Variants in ALMS1 observed in about 807,000 individuals in gnomAD.
ALMS1 encodes centrosome-associated protein ALMS1.
ALMS1 carries 271 observed loss-of-function variants against 352.2 expected under a neutral mutation model. The ratio of observed to expected loss-of-function variants is 0.77; its 90% CI spans 0.70 to 0.85. ALMS1 has a LOEUF of 0.85. Ranked by LOEUF, ALMS1 falls within the 40% of genes least tolerant of loss-of-function variation. ALMS1 has a pLI of 0.00. For missense variants in ALMS1, 5,445 were observed against 4,870.7 expected, an observed-to-expected ratio of 1.12 and a Z score of -3.51; for synonymous variants, 1,865 against 1,761.2, an observed-to-expected ratio of 1.06 and a Z score of -1.48.
At chr2:73,459,481 A>T (rs1490734742) in intron 9 of ALMS1, 1 of 152,164 alleles carries the variant, frequency 6.6e-6, no homozygotes, top group Non-Finnish European at 1.5e-5. Flanking sequence ...TATTGAAAAA[A>T]ATTCCATCAT....
In ALMS1 at chr2:73,467,254, A is replaced by C. The variant is rs1014380819; in HGVS notation, c.7674+11959A>C. On this transcript the variant is annotated intron_variant, in intron 9 of 22. Transcript: ENST00000613296. ...ATACATATATTTGATAAAGGACATAAATTCAGAATATATAAGGAAGTCATG... is the reference window on the plus strand; with the variant it reads ...ATACATATATTTGATAAAGGACATACATTCAGAATATATAAGGAAGTCATG... Among the ~76,000 whole-genome samples, 5 of 152,106 alleles carry C rather than the reference A, an allele frequency of 3.3e-5. No individual in the cohort carries two copies. In the East Asian group the frequency reaches 7.7e-4, roughly 23 times the overall value.
At chr2:73,391,641 T>TA (rs1670649611) in intron 1 of ALMS1, among the ~76,000 whole-genome samples, 1 of 152,168 alleles carries the variant, frequency 6.6e-6, no homozygotes. Flanking sequence ...GTTCCTAGGG[T>TA]AAAAACTATT....
chr2:73,466,084 C>T (rs1033326218), intron 9 of ALMS1, among the ~76,000 whole-genome samples: 13 of 152,146 alleles, frequency 8.5e-5, no homozygotes, highest in Non-Finnish European at 1.6e-4. Context: ...GTCGATTCCT[C>T]AGGGATCTAG....
chr2:73,386,204 C>T lies in ALMS1; in HGVS notation c.324+12C>T, dbSNP rs1553396311. 1 of 1,520,892 alleles carries T rather than the reference C, an allele frequency of 6.6e-7. No individual in the cohort carries two copies. Among genetic ancestry groups the T allele is most frequent in the Non-Finnish European group, 8.8e-7 (1 of 1,131,148 alleles). The allele number at this position is 1,520,892 out of a possible 1,614,324, so 94.2% of individuals were successfully genotyped here. ...CCTCCCTGGAGAAGGTGAGGCGGGC[C>T]GGGGAGGGGTGTGGAGCCGCGGCGA... On this transcript the variant is annotated intron_variant, in intron 1 of 22. Transcript: ENST00000613296.
chr2:73,539,703 A>G (rs1249802136), intron 12 of ALMS1, among the ~76,000 whole-genome samples: 1 of 152,220 alleles, frequency 6.6e-6, no homozygotes, highest in African/African-American at 2.4e-5. Flanking sequence ...GCTGAAAACC[A>G]TGGCAAGAGA....
chr2:73,453,640 T>C lies in ALMS1; in HGVS notation c.7113T>C (p.Ser2371=), dbSNP rs1243069878. 2 of 1,614,002 alleles carry C rather than the reference T, an allele frequency of 1.2e-6. No homozygotes were observed. Among genetic ancestry groups the C allele is most frequent in the Admixed American group, 1.7e-5 (1 of 59,994 alleles). ...SPLQEAESKV[S]MALEETLRQY... is the part of the protein sequence containing the mutation. Reference sequence around the variant, plus strand: ...TACAGGAAGCAGAGAGCAAAGTCAGTATGGCATTAGAAGAAACTCTTAGGC... The same window carrying C: ...TACAGGAAGCAGAGAGCAAAGTCAGCATGGCATTAGAAGAAACTCTTAGGC... The change falls in exon 8 of 23, where the codon AGT becomes AGC. Residue 2371 remains serine, a synonymous_variant. Transcript: ENST00000613296.
Position 73,432,259 on chromosome 2 carries a change from C to T in ALMS1, c.1400C>T (p.Thr467Ile), listed in dbSNP as rs201990757. Residue 467 changes from threonine to isoleucine, a missense_variant, in exon 7 of 23, where the codon ACT (threonine) becomes ATT (isoleucine). Physicochemically the swap from Thr to Ile is moderately conservative, Grantham distance 89 (BLOSUM62 -1). Transcript: ENST00000613296. ...AGAATGTTGAGGATGTCTCCTGACA[C>T]TGTGCCAAAGGCTCCTAAACATTTA... is the stretch of plus-strand genomic sequence containing the variant. ...DLRMLRMSPDTVPKAPKHLKA... is the reference protein window; with the variant it reads ...DLRMLRMSPDIVPKAPKHLKA... 145 of 1,613,368 alleles carry T rather than the reference C, an allele frequency of 9.0e-5. 1 individual carries two copies. Among genetic ancestry groups the T allele is most frequent in the South Asian group, 5.6e-4 (51 of 91,074 alleles).
chr2:73,565,588 G>A (rs76085470), intron 15 of ALMS1, among the ~76,000 whole-genome samples: 11 of 152,246 alleles, frequency 7.2e-5, no homozygotes, highest in African/African-American at 2.4e-4. Flanking sequence ...CTTCCAAAGA[G>A]TGTATTTTTA....
intron 9 of ALMS1, among the ~76,000 whole-genome samples, chr2:73,476,028 C>A (rs1397740366): frequency 6.6e-6 from 1 of 151,954 alleles, no homozygotes; most frequent in Non-Finnish European, 1.5e-5. Context: ...AACTCTATAT[C>A]CATTAAACAA....
At position 73,449,933 on chromosome 2, in the gene ALMS1, A is replaced by T; in HGVS notation, c.3406A>T (p.Thr1136Ser). Reference sequence around the variant, plus strand: ...TGGACTAGCAGACCAGAAGACTGGCACACCAACTGTAACCTCAACTTCCTA... The same window carrying T: ...TGGACTAGCAGACCAGAAGACTGGCTCACCAACTGTAACCTCAACTTCCTA... Reference protein sequence around the residue: ...APGLADQKTGTPTVTSTSYSQ... With the variant: ...APGLADQKTGSPTVTSTSYSQ... Residue 1136 changes from threonine (T) to serine (S), a missense_variant, in exon 8 of 23, where the codon ACA becomes TCA. By Grantham distance (58) the Thr-to-Ser change is moderately conservative. Coordinates refer to ENST00000613296, the MANE Select transcript of ALMS1 (RefSeq NM_001378454.1). 6.2e-7 allele frequency: 1 copy of T among 1,614,038 alleles called. No individual in the cohort carries two copies. The highest frequency in any genetic ancestry group is 1.3e-5 in the African/African-American group (1 of 75,006).
rs45501594 is a variant in ALMS1 at position 73,572,505 on chromosome 2, C to G, written c.10628C>G (p.Thr3543Ser). The G allele has an allele frequency of 0.011, 17,655 of 1,613,648 alleles. 114 individuals carry two copies. Among genetic ancestry groups the G allele is most frequent in the Non-Finnish European group, 0.013 (15,727 of 1,179,880 alleles). Residue 3543 changes from threonine (T) to serine (S), a missense_variant, in exon 16 of 23, where the codon ACC becomes AGC. By Grantham distance (58) the Thr-to-Ser change is moderately conservative. Transcript: ENST00000613296. ...ATGGACAAGACTAAGACAGATTATA[C>G]CAGAATAAAGAGCCTCAGCATCAAT... is the stretch of plus-strand genomic sequence containing the variant. ...QNMDKTKTDYTRIKSLSINVN... is the reference protein window; with the variant it reads ...QNMDKTKTDYSRIKSLSINVN...
intron 9 of ALMS1, among the ~76,000 whole-genome samples, chr2:73,475,892 A>G (rs1038219963): frequency 2.0e-5 from 3 of 152,036 alleles, no homozygotes; most frequent in Non-Finnish European, 2.9e-5. Context: ...TATTTTTTTA[A>G]TTGTGATAAA....
In ALMS1 at chr2:73,424,412, TTAAC is replaced by T. The variant is rs1432858141; in HGVS notation, c.765-15_765-12del. On this transcript the variant is annotated splice_polypyrimidine_tract_variant and intron_variant, in intron 4 of 22. Transcript: ENST00000613296. ...TTTAATGTTATTTATTTATTTATTT[TTAAC>T]TATATATTTTCAGGGGAATTCCTGA... 1 of 1,446,498 alleles carries T rather than the reference TTAAC, an allele frequency of 6.9e-7. No individual in the cohort carries two copies. The highest frequency in any genetic ancestry group is 1.4e-5 in the African/African-American group (1 of 69,834). The allele number at this position is 1,446,498 out of a possible 1,614,324, so 89.6% of individuals were successfully genotyped here.
intron 11 of ALMS1, 119 bp downstream of exon 11, chr2:73,520,135 C>G (rs1558679325): frequency 7.8e-7 from 1 of 1,277,732 alleles, no homozygotes; most frequent in Admixed American, 1.8e-5. Flanking sequence ...GAATTAGGGT[C>G]CATATGATTA....
rs773994083 is a variant in ALMS1 at position 73,453,933 on chromosome 2, A to G, written c.7406A>G (p.Glu2469Gly). Residue 2469 changes from glutamate to glycine, a missense_variant, in exon 8 of 23, where the codon GAG (glutamate) becomes GGG (glycine). By Grantham distance (98) the Glu-to-Gly change is moderately conservative. Coordinates refer to ENST00000613296, the MANE Select transcript of ALMS1 (RefSeq NM_001378454.1). ...SREEEGVSES[E>G]DGGGSSVDSL... ...GAGGAAGAGGGTGTGTCAGAGAGTG[A>G]GGATGGTGGTGGTAGCAGTGTAGAT... The G allele has an allele frequency of 6.2e-7, 1 of 1,613,936 alleles. No homozygotes were observed. The highest frequency in any genetic ancestry group is 8.5e-7 in the Non-Finnish European group (1 of 1,180,002).
At position 73,453,432 on chromosome 2, in the gene ALMS1, G is replaced by T; in HGVS notation, c.6905G>T (p.Cys2302Phe). Residue 2302 changes from cysteine (C) to phenylalanine (F), a missense_variant, in exon 8 of 23, where the codon TGC becomes TTC. Coordinates refer to ENST00000613296, the MANE Select transcript of ALMS1 (RefSeq NM_001378454.1). ...ISFIQSKKVV[C>F]FKEPSSTGVS... Reference sequence around the variant, plus strand: ...TTTATACAATCTAAGAAGGTGGTTTGCTTCAAAGAACCCTCTTCCACGGGT... The same window carrying T: ...TTTATACAATCTAAGAAGGTGGTTTTCTTCAAAGAACCCTCTTCCACGGGT... The T allele has an allele frequency of 1.2e-6, 2 of 1,613,358 alleles. No individual in the cohort carries two copies. Among genetic ancestry groups the T allele is most frequent in the Non-Finnish European group, 1.7e-6 (2 of 1,179,592 alleles).
At chr2:73,413,189 A>T (rs1327179247) in intron 2 of ALMS1, among the ~76,000 whole-genome samples, 1 of 151,158 alleles carries the variant, frequency 6.6e-6, no homozygotes, top group African/African-American at 2.4e-5. Flanking sequence ...TCATTTTTTG[A>T]GCTTTGGGAG....
intron 12 of ALMS1, among the ~76,000 whole-genome samples, chr2:73,540,123 A>G (rs529460550): frequency 6.6e-6 from 1 of 152,374 alleles, no homozygotes; most frequent in Admixed American, 6.5e-5. Context: ...GCCAGAGAGA[A>G]AGGTCGGGTT....
chr2:73,555,874 A>G (rs1440661948), intron 13 of ALMS1, among the ~76,000 whole-genome samples: 2 of 152,180 alleles, frequency 1.3e-5, no homozygotes, highest in African/African-American at 4.8e-5. Context: ...ATATTGAGTG[A>G]AAAAGTCATG....
Sources: gnomAD v4.1 joint callset for allele counts (sites outside exome capture counted in the v4.1 genomes callset) on GRCh38, gnomAD v4.1.1 for gene constraint, MANE v1.5 for transcripts, NCBI Gene and HGNC (gene_info 2026-07-23, HGNC 2026-07-21) for gene names.